The following ACP5 variants were observed in gnomAD, a reference collection of about 807,000 sequenced individuals.
ACP5 encodes acid phosphatase 5, tartrate resistant.
A neutral mutation model predicts 28.7 loss-of-function variants in ACP5; 24 were observed. The observed-to-expected ratio is 0.84, with a 90% confidence interval of 0.61 to 1.18. The LOEUF (loss-of-function observed/expected upper bound fraction) is 1.18. Among genes scored for constraint, ACP5 ranks in the 50% most tolerant of loss-of-function variants. ACP5 has a pLI of 0.00. For missense variants in ACP5, 354 were observed against 422.2 expected, an observed-to-expected ratio of 0.84 and a Z score of 1.42; for synonymous variants, 154 against 181.4, an observed-to-expected ratio of 0.85 and a Z score of 1.21.
In ACP5 at chr19:11,576,236, C is replaced by G; in HGVS notation, c.735+7G>C. On this transcript the variant is annotated splice_region_variant and intron_variant, in intron 4 of 4. Transcript: ENST00000648477. ...CCCAGCTCCCACCCCACCCACAGGGCCCTCACCTGCAGATTGTGATCGTGG... is the reference window on the plus strand; with the variant it reads ...CCCAGCTCCCACCCCACCCACAGGGGCCTCACCTGCAGATTGTGATCGTGG... The G allele has an allele frequency of 6.2e-7, 1 of 1,603,192 alleles. No homozygotes were observed. The highest frequency in any genetic ancestry group is 8.5e-7 in the Non-Finnish European group (1 of 1,179,726).
At position 11,576,789 on chromosome 19, in the gene ACP5, C is replaced by A; in HGVS notation, c.316G>T (p.Val106Leu). 6.2e-7 allele frequency: 1 copy of A among 1,614,088 alleles called. No individual in the cohort carries two copies. Among genetic ancestry groups the A allele is most frequent in the South Asian group, 1.1e-5 (1 of 91,084 alleles). Reference protein sequence around the residue: ...DRSLRKVPWYVLAGNHDHLGN... With the variant: ...DRSLRKVPWYLLAGNHDHLGN... Reference sequence around the variant, plus strand: ...AGGTGGTCATGGTTTCCGGCTAGCACGTACCAGGGCACTTTGCGAAGGGAG... The same window carrying A: ...AGGTGGTCATGGTTTCCGGCTAGCAAGTACCAGGGCACTTTGCGAAGGGAG... Residue 106 changes from valine (V) to leucine (L), a missense_variant, in exon 3 of 5, where the codon GTG becomes TTG. Coordinates refer to ENST00000648477, the MANE Select transcript of ACP5 (RefSeq NM_001611.5).
In ACP5 at chr19:11,577,107, C is replaced by T. The variant is rs762537777; in HGVS notation, c.211G>A (p.Asp71Asn). ...TGCACACCAGTGAAGTAAAAATTGT[C>T]CCCTAGAGACAGGATGAAGTCTGCA... ...LGADFILSLG[D>N]NFYFTGVQDI... is the part of the protein sequence containing the mutation. The change falls in exon 2 of 5, where the codon GAC becomes AAC. Residue 71 changes from aspartate (D) to asparagine (N), a missense_variant. Asp to Asn is a conservative substitution (Grantham distance 23). Coordinates refer to ENST00000648477, the MANE Select transcript of ACP5 (RefSeq NM_001611.5). This position sits in a 1 kb window ranked among gnomAD's most constrained non-coding sequence, Gnocchi z 5.7. The T allele has an allele frequency of 1.2e-6, 2 of 1,614,158 alleles. No homozygotes were observed. The highest frequency in any genetic ancestry group is 8.5e-7 in the Non-Finnish European group (1 of 1,180,022).
chr19:11,575,583 T>C (rs181814556), intron 4 of ACP5: 1 of 363,442 alleles, frequency 2.8e-6, no homozygotes, highest in East Asian at 6.7e-5. Flanking sequence ...AAGGGCCAGG[T>C]GCAGTGGCTC....
At position 11,577,622 on chromosome 19, in the gene ACP5, G is replaced by C; in HGVS notation, c.-30C>G. The stretch of plus-strand genomic sequence containing the variant: ...GGGGAGACACAGGCCAGTCACCGGA[G>C]GCTCTGAGAGGCTGGTGGGCTCTAG... On this transcript the variant is annotated 5_prime_UTR_variant, in exon 1 of 5. Transcript: ENST00000648477. The surrounding 1 kb of genome is among the most constrained non-coding windows in gnomAD (Gnocchi z 5.7). 1 of 507,628 alleles carries C rather than the reference G, an allele frequency of 2.0e-6. No individual in the cohort carries two copies. The highest frequency in any genetic ancestry group is 3.6e-6 in the Non-Finnish European group (1 of 277,620). The allele number at this position is 507,628 out of a possible 1,614,324, so 31.4% of individuals were successfully genotyped here. A position where few individuals can be genotyped will look rare whatever the true frequency, so the allele number is the denominator to read the frequency against.
rs1973082824 is a variant in ACP5 at position 11,575,168 on chromosome 19, C to G, written c.820G>C (p.Val274Leu). ...MDPSKRHQRKVPNGYLRFHYG... is the reference protein window; with the variant it reads ...MDPSKRHQRKLPNGYLRFHYG... ...TGGAAGCGCAGATAGCCGTTGGGGACCTTGCGCTGGTGCCGCTTTGAGGGG... is the reference window on the plus strand; with the variant it reads ...TGGAAGCGCAGATAGCCGTTGGGGAGCTTGCGCTGGTGCCGCTTTGAGGGG... Residue 274 changes from valine (V) to leucine (L), a missense_variant, in exon 5 of 5, where the codon GTC becomes CTC. Coordinates refer to ENST00000648477, the MANE Select transcript of ACP5 (RefSeq NM_001611.5). 6.2e-7 allele frequency: 1 copy of G among 1,614,164 alleles called. No homozygotes were observed. The highest frequency in any genetic ancestry group is 8.5e-7 in the Non-Finnish European group (1 of 1,180,042).
At chr19:11,575,455 G>T in intron 4 of ACP5, 1 of 630,018 alleles carries the variant, frequency 1.6e-6, no homozygotes, top group South Asian at 1.9e-5. Context: ...CAGGTGTGGT[G>T]GCTCATGCCT....
chr19:11,576,117 G>A lies in ACP5; in HGVS notation c.735+126C>T. 4.2e-6 allele frequency: 3 copies of A among 709,886 alleles called. No homozygotes were observed. The South Asian group carries it at 5.5e-5, about 13-fold the overall frequency. The allele number at this position is 709,886 out of a possible 1,614,324, so 44.0% of individuals were successfully genotyped here. A position where few individuals can be genotyped will look rare whatever the true frequency, so the allele number is the denominator to read the frequency against. On this transcript the variant is annotated intron_variant, in intron 4 of 4. Transcript: ENST00000648477. ...TCCTGGTTAGACAGCAAGATTTGAG[G>A]GACAGTCTAGACATTCTGAAGGCCA...
chr19:11,576,357 G>C lies in ACP5; in HGVS notation c.621C>G (p.Pro207=). 6.2e-7 allele frequency: 1 copy of C among 1,610,378 alleles called. No individual in the cohort carries two copies. Among genetic ancestry groups the C allele is most frequent in the South Asian group, 1.1e-5 (1 of 91,008 alleles). Residue 207 remains proline, a synonymous_variant, in exon 4 of 5, where the codon CCC becomes CCG. Transcript: ENST00000648477. ...GCCCGTGCTCGGCTATGGACCACAC[G>C]GGGTAGTGGCCAGCCACCAGCACGT... ...EDYVLVAGHY[P]VWSIAEHGPT...
At position 11,574,711 on chromosome 19, in the gene ACP5, T is replaced by C; in HGVS notation, c.*299A>G. The C allele has an allele frequency of 2.1e-6, 1 of 470,472 alleles. No homozygotes were observed. Among genetic ancestry groups the C allele is most frequent in the Non-Finnish European group, 3.9e-6 (1 of 254,918 alleles). The allele number at this position is 470,472 out of a possible 1,614,324, so 29.1% of individuals were successfully genotyped here. ...TGAACATCAGTAACAGAAAGATGCT[T>C]GATTTAGGAGGAAGCTTTCCCTCCC... On this transcript the variant is annotated 3_prime_UTR_variant, in exon 5 of 5. Coordinates refer to ENST00000648477, the MANE Select transcript of ACP5 (RefSeq NM_001611.5).
In ACP5 at chr19:11,574,989, G is replaced by C. The variant is rs1490441248; in HGVS notation, c.*21C>G. ...ACCCAACAGTGGAGATCGGGCCTCAGAGCTGGGCAGTCATGGGAGTTCAGG... is the reference window on the plus strand; with the variant it reads ...ACCCAACAGTGGAGATCGGGCCTCACAGCTGGGCAGTCATGGGAGTTCAGG... On this transcript the variant is annotated 3_prime_UTR_variant, in exon 5 of 5. Coordinates refer to ENST00000648477, the MANE Select transcript of ACP5 (RefSeq NM_001611.5). 6.2e-7 allele frequency: 1 copy of C among 1,613,970 alleles called. No individual in the cohort carries two copies. The highest frequency in any genetic ancestry group is 1.1e-5 in the South Asian group (1 of 91,036).
upstream of ACP5, among the ~76,000 whole-genome samples, chr19:11,578,363 G>A (rs1162871010): frequency 6.6e-6 from 1 of 151,924 alleles, no homozygotes; most frequent in African/African-American, 2.4e-5. Flanking sequence ...AAACACCAAC[G>A]GGCTTCCCTT....
chr19:11,576,880 G>A (rs752508731), intron 2 of ACP5, 37 bp from the exon 3 acceptor site: 1 of 1,613,850 alleles, frequency 6.2e-7, no homozygotes, highest in South Asian at 1.1e-5. Context: ...CTTCCCTGGG[G>A]TCAGTGGCTA....
Position 11,577,052 on chromosome 19 carries a change from C to T in ACP5, c.261+5G>A, listed in dbSNP as rs760623185. ...ACCTCCTGCCCCACTCTGTTGGGCA[C>T]AGACCTGGAACCTCTTGTCATTGAT... On this transcript the variant is annotated splice_donor_5th_base_variant and intron_variant, in intron 2 of 4. Transcript: ENST00000648477. The surrounding 1 kb of genome is among the most constrained non-coding windows in gnomAD (Gnocchi z 5.7). 8 of 1,614,150 alleles carry T rather than the reference C, an allele frequency of 5.0e-6. 1 individual carries two copies. In the South Asian group the frequency reaches 8.8e-5, roughly 18 times the overall value.
At position 11,574,939 on chromosome 19, in the gene ACP5, A is replaced by C; in HGVS notation, c.*71T>G. 1.9e-6 allele frequency: 3 copies of C among 1,587,082 alleles called. No homozygotes were observed. Among genetic ancestry groups the C allele is most frequent in the Non-Finnish European group, 1.7e-6 (2 of 1,157,812 alleles). ...AGGTTGGAGGAAAAGCCTGCCTGTG[A>C]GCAGGGTCCCGGCAGGGCCCACCCA... is the stretch of plus-strand genomic sequence containing the variant. On this transcript the variant is annotated 3_prime_UTR_variant, in exon 5 of 5. Transcript: ENST00000648477.
Position 11,577,091 on chromosome 19 carries a change from G to A in ACP5, c.227C>T (p.Thr76Ile). 1 of 1,614,114 alleles carries A rather than the reference G, an allele frequency of 6.2e-7. No individual in the cohort carries two copies. ...CTTGTCATTGATGTCTTGCACACCA[G>A]TGAAGTAAAAATTGTCCCCTAGAGA... ...ILSLGDNFYFTGVQDINDKRF... is the reference protein window; with the variant it reads ...ILSLGDNFYFIGVQDINDKRF... The change falls in exon 2 of 5, where the codon ACT (threonine) becomes ATT (isoleucine). Residue 76 changes from threonine (T) to isoleucine (I), a missense_variant. Transcript: ENST00000648477. This position sits in a 1 kb window ranked among gnomAD's most constrained non-coding sequence, Gnocchi z 5.7.
At chr19:11,576,179 G>T in intron 4 of ACP5, 64 bp downstream of exon 4, 2 of 1,405,630 alleles carry the variant, frequency 1.4e-6, no homozygotes, top group Non-Finnish European at 2.0e-6. Flanking sequence ...CCCCAGCCAT[G>T]TGGACATCAG....
At position 11,577,548 on chromosome 19, in the gene ACP5, C is replaced by A; in HGVS notation, c.-1+45G>T. 1 of 602,954 alleles carries A rather than the reference C, an allele frequency of 1.7e-6. No homozygotes were observed. Among genetic ancestry groups the A allele is most frequent in the Non-Finnish European group, 3.0e-6 (1 of 336,992 alleles). 37.4% of individuals were successfully genotyped at this position (602,954 alleles called of 1,614,324 possible). ...GGCGAGCTGTACCAAGATGGCCCTG[C>A]AGGCCCATTTCACCCTCCTTCCACC... On this transcript the variant is annotated intron_variant, in intron 1 of 4. Coordinates refer to ENST00000648477, the MANE Select transcript of ACP5 (RefSeq NM_001611.5). The surrounding 1 kb of genome is among the most constrained non-coding windows in gnomAD (Gnocchi z 5.7).
chr19:11,576,903 C>T (rs1973183662), intron 2 of ACP5, 60 bp from the exon 3 acceptor site: 2 of 1,613,324 alleles, frequency 1.2e-6, no homozygotes, highest in African/African-American at 1.3e-5. Context: ...CCGATCCTCC[C>T]ACCAAGTCAG....
chr19:11,576,006 CAAAA>C (rs3035420), intron 4 of ACP5, among the ~76,000 whole-genome samples: 12 of 52,890 alleles, frequency 2.3e-4, no homozygotes, highest in East Asian at 1.2e-3. Context: ...ACCTTGTCTC[CAAAA>C]AAAAAAAAAA....
Sources: allele counts gnomAD v4.1 joint callset (sites outside exome capture counted in the v4.1 genomes callset), GRCh38; gene constraint gnomAD v4.1.1; non-coding constraint Gnocchi (gnomAD v3.1); transcripts MANE v1.5; gene names NCBI Gene and HGNC (gene_info 2026-07-23, HGNC 2026-07-21).